Variants in TPX2 observed in about 807,000 individuals in gnomAD.
The protein encoded by TPX2 is TPX2 microtubule nucleation factor, also known as targeting protein for Xklp2.
A neutral mutation model predicts 93.6 loss-of-function variants in TPX2; 21 were observed. The ratio of observed to expected loss-of-function variants is 0.22; its 90% confidence interval spans 0.16 to 0.32. The LOEUF is 0.32. TPX2 is among the 10% of genes least tolerant of loss of function. TPX2 has a pLI of 1.00. For synonymous variants in TPX2, 281 were observed against 298.3 expected (o/e 0.94, Z 0.60); for missense variants, 776 against 871.1 (o/e 0.89, Z 1.37).
At chr20:31,793,756 C>T (rs1161162077) in intron 13 of TPX2, 92 bp from the exon 14 acceptor site, 2 of 1,205,984 alleles carry the variant, frequency 1.7e-6, no homozygotes, top group African/African-American at 3.1e-5. Flanking sequence ...TTAATTAATG[C>T]CACATATTAA....
intron 5 of TPX2, among the ~76,000 whole-genome samples, chr20:31,768,299 G>A (rs553830683): frequency 6.0e-4 from 90 of 150,164 alleles, no homozygotes; most frequent in South Asian, 3.2e-3. Flanking sequence ...TGCAGTGGGC[G>A]ATCTTGGCTC....
chr20:31,778,227 C>A (rs1485247979), intron 9 of TPX2, among the ~76,000 whole-genome samples: 2 of 152,196 alleles, frequency 1.3e-5, no homozygotes, highest in Non-Finnish European at 2.9e-5. Context: ...TCAGTATCAT[C>A]ATTTTTTGAA....
At chr20:31,798,021 A>AC (rs2062148634) in intron 16 of TPX2, among the ~76,000 whole-genome samples, 1 of 152,072 alleles carries the variant, frequency 6.6e-6, no homozygotes, top group Non-Finnish European at 1.5e-5. Context: ...ACATAGCAAG[A>AC]CCCCATCTCT....
intron 1 of TPX2, among the ~76,000 whole-genome samples, chr20:31,741,815 A>G (rs2061755179): frequency 6.6e-6 from 1 of 151,758 alleles, no homozygotes; most frequent in South Asian, 2.1e-4. Flanking sequence ...GGGTTTCACC[A>G]CGTTGGCCAG....
intron 6 of TPX2, 119 bp downstream of exon 6, chr20:31,770,590 A>G: frequency 1.0e-6 from 1 of 975,412 alleles, no homozygotes. Context: ...AAAATGGTAC[A>G]TCTGTAATAT....
chr20:31,778,006 C>T (rs189951271), intron 9 of TPX2, among the ~76,000 whole-genome samples: 25 of 152,122 alleles, frequency 1.6e-4, no homozygotes, highest in African/African-American at 6.0e-4. Context: ...AACTCCTGAC[C>T]TCAGGCGATC....
At chr20:31,785,826 C>T (rs1229700437) in intron 12 of TPX2, among the ~76,000 whole-genome samples, 2 of 152,154 alleles carry the variant, frequency 1.3e-5, no homozygotes, top group African/African-American at 4.8e-5. Context: ...ACATATTTTC[C>T]TCCAAGCTTT....
At chr20:31,760,929 A>C (rs1466832084) in intron 4 of TPX2, among the ~76,000 whole-genome samples, 2 of 152,010 alleles carry the variant, frequency 1.3e-5, no homozygotes, top group Non-Finnish European at 2.9e-5. Flanking sequence ...TTTGGTTAGA[A>C]CATAAGAAGC....
chr20:31,767,217 T>C (rs549300282), intron 5 of TPX2, among the ~76,000 whole-genome samples: 5 of 152,296 alleles, frequency 3.3e-5, no homozygotes, highest in African/African-American at 1.2e-4. Flanking sequence ...ATAGATAAGG[T>C]CTCAGAGATA....
chr20:31,793,057 A>C (rs1006167610), intron 13 of TPX2, among the ~76,000 whole-genome samples: 6 of 152,206 alleles, frequency 3.9e-5, no homozygotes, highest in African/African-American at 1.4e-4. Flanking sequence ...CAATTTATGG[A>C]AACAGTAAGG....
At chr20:31,758,665 T>G (rs2061867357) in intron 3 of TPX2, among the ~76,000 whole-genome samples, 1 of 152,188 alleles carries the variant, frequency 6.6e-6, no homozygotes, top group Admixed American at 6.5e-5. Flanking sequence ...CTTATCCGTA[T>G]AGTGCACTGT....
At chr20:31,761,206 T>C (rs2061888286) in intron 4 of TPX2, among the ~76,000 whole-genome samples, 1 of 149,452 alleles carries the variant, frequency 6.7e-6, no homozygotes, top group South Asian at 2.2e-4. Flanking sequence ...AATTTTTTTT[T>C]TTTTTTTTTT....
At chr20:31,752,636 C>T (rs1299726439) in intron 2 of TPX2, among the ~76,000 whole-genome samples, 16 of 151,540 alleles carry the variant, frequency 1.1e-4, no homozygotes, top group Admixed American at 6.6e-5. Flanking sequence ...TTTTTTGAGA[C>T]GGAGTCTCGC....
rs2061993278 is a variant in TPX2 at position 31,775,852 on chromosome 20, T to C, written c.609-15T>C. 3 of 1,543,140 alleles carry C rather than the reference T, an allele frequency of 1.9e-6. No homozygotes were observed. Among genetic ancestry groups the C allele is most frequent in the Non-Finnish European group, 2.6e-6 (3 of 1,145,638 alleles). ...TCTCCTCTCCTCTCTTCTCATTTAC[T>C]GATTTTCTCTTTAGGCAGAAGTTTC... is the stretch of plus-strand genomic sequence containing the variant. On this transcript the variant is annotated splice_polypyrimidine_tract_variant and intron_variant, in intron 7 of 17. Coordinates refer to ENST00000300403, the MANE Select transcript of TPX2 (RefSeq NM_012112.5).
At chr20:31,768,783 G>A (rs930502390) in intron 5 of TPX2, among the ~76,000 whole-genome samples, 5 of 152,044 alleles carry the variant, frequency 3.3e-5, no homozygotes, top group South Asian at 2.1e-4. Context: ...ACAGGCAAAC[G>A]ACTTAAACTA....
Position 31,750,756 on chromosome 20 carries a change from G to A in TPX2, c.-70-6651G>A, listed in dbSNP as rs1024326165. 2.6e-5 allele frequency among the ~76,000 whole-genome samples: 4 copies of A among 152,132 alleles called. No individual in the cohort carries two copies. In the East Asian group the frequency reaches 5.8e-4, roughly 22 times the overall value. ...AGTTAATAGTCAATTTATAGGCCAC[G>A]TAAATGGGAAGGATTATTTCCTTAA... On this transcript the variant is annotated intron_variant, in intron 2 of 17. Transcript: ENST00000300403.
intron 2 of TPX2, among the ~76,000 whole-genome samples, chr20:31,749,670 C>T (rs1375414651): frequency 6.6e-6 from 1 of 151,806 alleles, no homozygotes; most frequent in Non-Finnish European, 1.5e-5. Flanking sequence ...TGGCAGGTGC[C>T]TGTAATCCCA....
At chr20:31,762,522 G>C (rs1053855491) in intron 4 of TPX2, among the ~76,000 whole-genome samples, 1 of 151,904 alleles carries the variant, frequency 6.6e-6, no homozygotes, top group African/African-American at 2.4e-5. Flanking sequence ...GCTAATTTTT[G>C]TATTTTTAGT....
intron 16 of TPX2, 43 bp from the exon 17 acceptor site, chr20:31,798,322 A>G: frequency 6.2e-7 from 1 of 1,612,688 alleles, no homozygotes; most frequent in Non-Finnish European, 8.5e-7. Context: ...GGTTTATGCA[A>G]GTCCTGCTTG....
Sources: gnomAD v4.1 joint callset for allele counts (sites outside exome capture counted in the v4.1 genomes callset) on GRCh38, gnomAD v4.1.1 for gene constraint, MANE v1.5 for transcripts, NCBI Gene and HGNC (gene_info 2026-07-23, HGNC 2026-07-21) for gene names.